Variants in RBL1 observed in about 807,000 individuals in gnomAD.
RBL1 encodes RB transcriptional corepressor like 1.
RBL1 carries 82 observed loss-of-function variants against 123.0 expected under a neutral mutation model. The ratio of observed to expected loss-of-function variants is 0.67; its 90% CI spans 0.56 to 0.80. The LOEUF is 0.80. RBL1 is among the 30% of genes least tolerant of loss of function. The pLI is 0.00. For missense variants in RBL1, 1,171 were observed against 1,299.6 expected (o/e 0.90, Z 1.52); for synonymous variants, 405 against 441.3 (o/e 0.92, Z 1.03).
chr20:37,007,700 C>T (rs2064096974), intron 19 of RBL1, 141 bp from the exon 20 acceptor site: 4 of 759,916 alleles, frequency 5.3e-6, no homozygotes, highest in Non-Finnish European at 8.1e-6. Context: ...TCAAGTGATC[C>T]TCCCATCTCA....
rs1188830668 is a variant in RBL1, at chr20:36,996,731, A to C, written c.*2028T>G. ...TGGGATTATAGGCATGAGCCACAGGACCTGGCCCATGGTTTCTTATACAGT... is the reference window on the plus strand; with the variant it reads ...TGGGATTATAGGCATGAGCCACAGGCCCTGGCCCATGGTTTCTTATACAGT... On this transcript the variant is annotated 3_prime_UTR_variant, in exon 22 of 22. Transcript: ENST00000373664. The C allele has an allele frequency of 4.6e-5, 7 of 152,216 alleles. No homozygotes were observed. The East Asian group carries it at 1.3e-3, about 29-fold the overall frequency. 9.4% of individuals were successfully genotyped at this position (152,216 alleles called of 1,614,324 possible). A position where few individuals can be genotyped will look rare whatever the true frequency, so the allele number is the denominator to read the frequency against.
intron 21 of RBL1, among the ~76,000 whole-genome samples, chr20:36,999,582 A>T (rs1466672728): frequency 6.6e-6 from 1 of 151,334 alleles, no homozygotes; most frequent in Non-Finnish European, 1.5e-5. Flanking sequence ...GGCTCACTGC[A>T]ACCTCCCTGC....
chr20:37,078,565 A>T lies in RBL1; in HGVS notation c.291-10379T>A, dbSNP rs550923560. ...TTGAGCACTCCTTACTTTCTGGCATAAGAAGCTGTTCCAGATGCATCAGAG... is the reference window on the plus strand; with the variant it reads ...TTGAGCACTCCTTACTTTCTGGCATTAGAAGCTGTTCCAGATGCATCAGAG... On this transcript the variant is annotated intron_variant, in intron 2 of 21. Coordinates refer to ENST00000373664, the MANE Select transcript of RBL1 (RefSeq NM_002895.5). Among the ~76,000 whole-genome samples the T allele has an allele frequency of 3.3e-5, 5 of 152,328 alleles. No individual in the cohort carries two copies. In the South Asian group the frequency reaches 1.0e-3, roughly 32 times the overall value.
At chr20:37,088,687 T>C (rs2065594978) in intron 2 of RBL1, among the ~76,000 whole-genome samples, 1 of 149,810 alleles carries the variant, frequency 6.7e-6, no homozygotes, top group African/African-American at 2.4e-5. Flanking sequence ...AAACCCCATC[T>C]CTACTAAAAA....
In RBL1 at chr20:36,997,346, A is replaced by C. The variant is rs911081824; in HGVS notation, c.*1413T>G. The stretch of plus-strand genomic sequence containing the variant: ...CCTAGTACATCCCTAGTACTGAAAA[A>C]AGCATCCCTAATACTGAAAAGCATC... On this transcript the variant is annotated 3_prime_UTR_variant, in exon 22 of 22. Coordinates refer to ENST00000373664, the MANE Select transcript of RBL1 (RefSeq NM_002895.5). 1.3e-5 allele frequency: 2 copies of C among 152,068 alleles called. No homozygotes were observed. Among genetic ancestry groups the C allele is most frequent in the East Asian group, 3.8e-4 (2 of 5,200 alleles). The allele number at this position is 152,068 out of a possible 1,614,324, so 9.4% of individuals were successfully genotyped here.
At chr20:37,055,789 C>T in intron 10 of RBL1, 133 bp from the exon 11 acceptor site, 2 of 915,566 alleles carry the variant, frequency 2.2e-6, no homozygotes, top group South Asian at 1.8e-5. Context: ...TGGCTCACGC[C>T]TGTAATCCTA....
chr20:37,076,664 C>A (rs1470608269), intron 2 of RBL1, among the ~76,000 whole-genome samples: 2 of 152,178 alleles, frequency 1.3e-5, no homozygotes, highest in Non-Finnish European at 2.9e-5. Flanking sequence ...GCTACTGAAA[C>A]CATGGAAAGT....
intron 21 of RBL1, among the ~76,000 whole-genome samples, chr20:37,001,273 A>AT (rs542890778): frequency 1.2e-3 from 181 of 152,158 alleles, no homozygotes; most frequent in African/African-American, 4.2e-3. Flanking sequence ...TCAACAGCTC[A>AT]TTGAGAACCG....
At chr20:37,080,791 A>C (rs886779045) in intron 2 of RBL1, among the ~76,000 whole-genome samples, 1 of 152,124 alleles carries the variant, frequency 6.6e-6, no homozygotes, top group Admixed American at 6.6e-5. Flanking sequence ...GTTTAGTAAT[A>C]TATTTGGCCT....
In RBL1 at chr20:36,998,671, T is replaced by C; in HGVS notation, c.*88A>G. 2 of 1,210,320 alleles carry C rather than the reference T, an allele frequency of 1.7e-6. No homozygotes were observed. The highest frequency in any genetic ancestry group is 2.3e-6 in the Non-Finnish European group (2 of 887,280). 75.0% of individuals were successfully genotyped at this position (1,210,320 alleles called of 1,614,324 possible). A position where few individuals can be genotyped will look rare whatever the true frequency, so the allele number is the denominator to read the frequency against. On this transcript the variant is annotated 3_prime_UTR_variant, in exon 22 of 22. Coordinates refer to ENST00000373664, the MANE Select transcript of RBL1 (RefSeq NM_002895.5). ...TCTTATAACCCAGTGATATTTATCA[T>C]CTATAGGGCTAAAAGGTTTGAAGGA...
At chr20:37,013,225 C>T (rs563092129) in intron 19 of RBL1, among the ~76,000 whole-genome samples, 79 of 151,784 alleles carry the variant, frequency 5.2e-4, no homozygotes, top group African/African-American at 1.3e-3. Flanking sequence ...TGGGAGACTT[C>T]TCATTTTGTT....
At chr20:37,041,230 CA>C (rs912760566) in intron 13 of RBL1, among the ~76,000 whole-genome samples, 4 of 151,666 alleles carry the variant, frequency 2.6e-5, no homozygotes, top group African/African-American at 4.8e-5. Flanking sequence ...CAGAAGTAGA[CA>C]AAAAAAACCC....
At chr20:37,074,738 T>C (rs1291336100) in intron 2 of RBL1, among the ~76,000 whole-genome samples, 5 of 151,844 alleles carry the variant, frequency 3.3e-5, no homozygotes, top group African/African-American at 1.2e-4. Flanking sequence ...GGCACAAGAA[T>C]CGTTGAAACC....
chr20:37,070,480 AT>A (rs200544474), intron 2 of RBL1, among the ~76,000 whole-genome samples: 93 of 151,074 alleles, frequency 6.2e-4, no homozygotes, highest in East Asian at 4.6e-3. Flanking sequence ...AAATAAATAA[AT>A]TTAAAAAAAA....
intron 2 of RBL1, among the ~76,000 whole-genome samples, chr20:37,072,671 T>C (rs1418789328): frequency 1.3e-5 from 2 of 152,178 alleles, no homozygotes; most frequent in Admixed American, 1.3e-4. Flanking sequence ...TACATCTGCT[T>C]GAGATTTTGA....
intron 6 of RBL1, among the ~76,000 whole-genome samples, chr20:37,066,424 C>T (rs2065176584): frequency 6.6e-6 from 1 of 152,116 alleles, no homozygotes; most frequent in African/African-American, 2.4e-5. Flanking sequence ...CCTGTTTTTC[C>T]TAATTATTTG....
At chr20:37,067,567 G>C (rs2065198354) in intron 3 of RBL1, among the ~76,000 whole-genome samples, 1 of 151,662 alleles carries the variant, frequency 6.6e-6, no homozygotes, top group South Asian at 2.1e-4. Flanking sequence ...TTAGGAGTTC[G>C]AGACCACCTT....
intron 17 of RBL1, among the ~76,000 whole-genome samples, chr20:37,020,933 A>G (rs893954899): frequency 6.6e-6 from 1 of 152,148 alleles, no homozygotes; most frequent in African/African-American, 2.4e-5. Context: ...GACTCACTTA[A>G]TAGTTTCATT....
chr20:37,023,777 A>T lies in RBL1; in HGVS notation c.2383-951T>A, dbSNP rs1313150024. Among the ~76,000 whole-genome samples, 69 of 125,468 alleles carry T rather than the reference A, an allele frequency of 5.5e-4. 1 individual carries two copies. The highest frequency in any genetic ancestry group is 3.8e-4 in the Non-Finnish European group (24 of 63,142). The allele number at this position is 125,468 out of a possible 152,430, so 82.3% of individuals were successfully genotyped here. A position where few individuals can be genotyped will look rare whatever the true frequency, so the allele number is the denominator to read the frequency against. ...TAAACCAGACTATTCTATTCAAACT[A>T]TTTTTTTTTTTTTTTTTTTGAGACG... On this transcript the variant is annotated intron_variant, in intron 16 of 21. Coordinates refer to ENST00000373664, the MANE Select transcript of RBL1 (RefSeq NM_002895.5).
Sources: gnomAD v4.1 joint callset for allele counts (sites outside exome capture counted in the v4.1 genomes callset) on GRCh38, gnomAD v4.1.1 for gene constraint, MANE v1.5 for transcripts, NCBI Gene and HGNC (gene_info 2026-07-23, HGNC 2026-07-21) for gene names.